ZNF763: variants seen among roughly 807,000 people sequenced by gnomAD.
ZNF763 encodes the protein zinc finger protein 763.
In ZNF763, 33 loss-of-function variants were observed where a neutral mutation model predicts 38.0. The ratio of observed to expected loss-of-function variants is 0.87; its 90% CI spans 0.66 to 1.16. The LOEUF (loss-of-function observed/expected upper bound fraction) is 1.16. ZNF763 is among the 50% of genes most tolerant of loss of function. The pLI is 0.00. For missense variants in ZNF763, 423 were observed against 469.1 expected, an observed-to-expected ratio of 0.90 and a Z score of 0.91; for synonymous variants, 155 against 160.1, an observed-to-expected ratio of 0.97 and a Z score of 0.24.
chr19:11,968,653 T>C (rs1221515556), intron 1 of ZNF763, among the ~76,000 whole-genome samples: 4 of 152,190 alleles, frequency 2.6e-5, no homozygotes, highest in Non-Finnish European at 2.9e-5. Context: ...ATATTCTAGC[T>C]GAAGACAACA....
rs1973582164 is a variant in ZNF763, at chr19:11,979,792, CTA to C, written c.*685_*686del. On this transcript the variant is annotated 3_prime_UTR_variant, in exon 4 of 4. Transcript: ENST00000358987. ...GTAGAACTCACACTGGAGAGAAACC[CTA>C]TGAGTGTAAGGAATGTGGGAAAGCC... 6.3e-7 allele frequency: 1 copy of C among 1,577,390 alleles called. No homozygotes were observed. The highest frequency in any genetic ancestry group is 8.7e-7 in the Non-Finnish European group (1 of 1,149,444).
chr19:11,974,786 A>G (rs1973449279), intron 1 of ZNF763, among the ~76,000 whole-genome samples: 1 of 152,072 alleles, frequency 6.6e-6, no homozygotes, highest in South Asian at 2.1e-4. Context: ...TATTTTTAGT[A>G]GAAATGGAGT....
chr19:11,970,765 G>C (rs7253214), intron 1 of ZNF763, among the ~76,000 whole-genome samples: 19,221 of 152,026 alleles, frequency 0.13, 2,255 homozygotes, highest in African/African-American at 0.31. Flanking sequence ...AACCCCATCT[G>C]TACTGAAAAT....
intron 1 of ZNF763, among the ~76,000 whole-genome samples, chr19:11,975,919 C>T (rs900515819): frequency 2.0e-5 from 3 of 151,628 alleles, no homozygotes; most frequent in African/African-American, 7.3e-5. Context: ...CCAGGTTTTT[C>T]TTAGGAATGT....
rs878884127 is a variant in ZNF763, at chr19:11,979,685, G to A, written c.*576G>A. 2.5e-6 allele frequency: 4 copies of A among 1,576,796 alleles called. No individual in the cohort carries two copies. Among genetic ancestry groups the A allele is most frequent in the Non-Finnish European group, 2.6e-6 (3 of 1,158,710 alleles). On this transcript the variant is annotated 3_prime_UTR_variant, in exon 4 of 4. Transcript: ENST00000358987. ...TGCCTCAATCCTTCAAATGCATGCTGGGACTCACCCTGAAGAGAAGCCCTA... is the reference window on the plus strand; with the variant it reads ...TGCCTCAATCCTTCAAATGCATGCTAGGACTCACCCTGAAGAGAAGCCCTA...
chr19:11,977,530 A>G (rs1445939756), intron 3 of ZNF763, 99 bp downstream of exon 3: 25 of 1,402,574 alleles, frequency 1.8e-5, no homozygotes, highest in Non-Finnish European at 2.5e-5. Context: ...CCAGTATCAA[A>G]TTCATCTCTT....
intron 1 of ZNF763, 23 bp from the exon 2 acceptor site, chr19:11,977,015 T>G (rs771204833): frequency 6.2e-6 from 10 of 1,613,766 alleles, no homozygotes; most frequent in Non-Finnish European, 8.5e-6. Flanking sequence ...CCCAGCCTCC[T>G]CTACACATGT....
Position 11,973,591 on chromosome 19 carries a change from G to T in ZNF763, c.4-3447G>T, listed in dbSNP as rs148998679. 5.2e-4 allele frequency among the ~76,000 whole-genome samples: 79 copies of T among 152,206 alleles called. No individual in the cohort carries two copies. The Middle Eastern group carries it at 0.01, about 20-fold the overall frequency. ...TGTTTCTTTATTCACCTATTGAAAGGCTCATCCTGAGCCTGGTGTGATGCC... is the reference window on the plus strand; with the variant it reads ...TGTTTCTTTATTCACCTATTGAAAGTCTCATCCTGAGCCTGGTGTGATGCC... On this transcript the variant is annotated intron_variant, in intron 1 of 3. Coordinates refer to ENST00000358987, the MANE Select transcript of ZNF763 (RefSeq NM_001367172.2).
Position 11,980,172 on chromosome 19 carries a change from G to A in ZNF763, c.*1063G>A, listed in dbSNP as rs1973589747. The A allele has an allele frequency of 1.6e-6, 1 of 618,138 alleles. No homozygotes were observed. The highest frequency in any genetic ancestry group is 1.7e-5 in the South Asian group (1 of 58,084). The allele number at this position is 618,138 out of a possible 1,614,324, so 38.3% of individuals were successfully genotyped here. On this transcript the variant is annotated 3_prime_UTR_variant, in exon 4 of 4. Transcript: ENST00000358987. Reference sequence around the variant, plus strand: ...AAGCAGGTGAATCACCTGAGGTCAGGAGTTCAAGACTGGCCTGATCAATAT... The same window carrying A: ...AAGCAGGTGAATCACCTGAGGTCAGAAGTTCAAGACTGGCCTGATCAATAT...
At chr19:11,965,354 T>C in intron 1 of ZNF763, 143 bp downstream of exon 1, 1 of 1,175,068 alleles carries the variant, frequency 8.5e-7, no homozygotes, top group Non-Finnish European at 1.2e-6. Context: ...CGGCCCTCGG[T>C]CCCCTCGGCC....
rs7250894 is a variant in ZNF763, at chr19:11,978,990, C to G, written c.1066C>G (p.Arg356Gly). Residue 356 changes from arginine to glycine, a missense_variant, in exon 4 of 4, where the codon CGT (arginine) becomes GGT (glycine). By Grantham distance (125) the Arg-to-Gly change is moderately radical. Transcript: ENST00000358987. ...AGCATTCACGTATCCCAGTTCCCTTCGTAGACATGAAAGGACCCACTCTGC... is the reference window on the plus strand; with the variant it reads ...AGCATTCACGTATCCCAGTTCCCTTGGTAGACATGAAAGGACCCACTCTGC... ...RKAFTYPSSLRRHERTHSAKK... is the reference protein window; with the variant it reads ...RKAFTYPSSLGRHERTHSAKK... 29,185 of 1,614,148 alleles carry G rather than the reference C, an allele frequency of 0.018. 315 individuals carry two copies. Among genetic ancestry groups the G allele is most frequent in the African/African-American group, 0.026 (1,980 of 75,030 alleles).
In ZNF763 at chr19:11,979,325, G is replaced by A; in HGVS notation, c.*216G>A. ...TTCAGATGTGCCCCACACCTTCGAA[G>A]GCATGGTAGGACTCACTGGAGAGAA... On this transcript the variant is annotated 3_prime_UTR_variant, in exon 4 of 4. Transcript: ENST00000358987. 1 of 1,590,078 alleles carries A rather than the reference G, an allele frequency of 6.3e-7. No homozygotes were observed. Among genetic ancestry groups the A allele is most frequent in the Non-Finnish European group, 8.6e-7 (1 of 1,167,700 alleles).
chr19:11,968,252 T>C (rs1400590171), intron 1 of ZNF763, among the ~76,000 whole-genome samples: 1 of 146,662 alleles, frequency 6.8e-6, no homozygotes, highest in African/African-American at 2.7e-5. Context: ...GGTACAATAA[T>C]TTAATTTTTT....
In ZNF763 at chr19:11,978,406, C is replaced by T. The variant is rs781000614; in HGVS notation, c.482C>T (p.Thr161Ile). 5 of 1,614,136 alleles carry T rather than the reference C, an allele frequency of 3.1e-6. No homozygotes were observed. The Admixed American group carries it at 6.7e-5, about 22-fold the overall frequency. Residue 161 changes from threonine to isoleucine, a missense_variant, in exon 4 of 4, where the codon ACA (threonine) becomes ATA (isoleucine). Transcript: ENST00000358987. The stretch of plus-strand genomic sequence containing the variant: ...TTCAGATATCACCCCTCCTTTAGAA[C>T]ACAAGAAAGGAATCACACCGGAGAG... The part of the protein sequence containing the change: ...KAFRYHPSFR[T>I]QERNHTGEKP...
rs1973563500 is a variant in ZNF763 at position 11,979,064 on chromosome 19, G to A, written c.1140G>A (p.Lys380=). 1 of 1,614,122 alleles carries A rather than the reference G, an allele frequency of 6.2e-7. No homozygotes were observed. The highest frequency in any genetic ancestry group is 1.3e-5 in the African/African-American group (1 of 75,036). ...CKQCGKALSY[K]FSNTPKNALW... ...AGTGTGGGAAAGCATTATCTTATAA[G>A]TTTTCAAACACACCTAAGAATGCGC... is the stretch of plus-strand genomic sequence containing the variant. The change falls in exon 4 of 4, where the codon AAG becomes AAA. Residue 380 remains lysine (K), a synonymous_variant. Coordinates refer to ENST00000358987, the MANE Select transcript of ZNF763 (RefSeq NM_001367172.2).
chr19:11,976,555 CAAAAAAA>C (rs1197877281), intron 1 of ZNF763, among the ~76,000 whole-genome samples: 123 of 73,826 alleles, frequency 1.7e-3, no homozygotes, highest in African/African-American at 5.2e-3. Flanking sequence ...GACTCTGTCT[CAAAAAAA>C]AAAAAAAAAA....
chr19:11,978,956 A>G lies in ZNF763; in HGVS notation c.1032A>G (p.Glu344=). The G allele has an allele frequency of 6.2e-7, 1 of 1,614,220 alleles. No individual in the cohort carries two copies. The highest frequency in any genetic ancestry group is 1.3e-5 in the African/African-American group (1 of 75,066). Residue 344 remains glutamate (E), a synonymous_variant, in exon 4 of 4, where the codon GAA becomes GAG. Transcript: ENST00000358987. ...GAGAGAAGCCTTATCAATGTAAGGA[A>G]TGTAGAAAAGCATTCACGTATCCCA... ...HTGEKPYQCK[E]CRKAFTYPSS...
rs1472403814 is a variant in ZNF763, at chr19:11,978,209, G to A, written c.285G>A (p.Gln95=). The part of the protein sequence containing the change: ...TQVPDDRLNF[Q]EKKASPEAKS... The stretch of plus-strand genomic sequence containing the variant: ...TTCCAGATGACAGGCTGAACTTCCA[G>A]GAGAAGAAAGCTTCTCCTGAAGCAA... The change falls in exon 4 of 4, where the codon CAG becomes CAA. Residue 95 remains glutamine (Q), a synonymous_variant. Transcript: ENST00000358987. 1 of 1,613,632 alleles carries A rather than the reference G, an allele frequency of 6.2e-7. No homozygotes were observed. The highest frequency in any genetic ancestry group is 1.3e-5 in the African/African-American group (1 of 74,906).
chr19:11,980,306 G>T lies in ZNF763; in HGVS notation c.*1197G>T, dbSNP rs1047276994. On this transcript the variant is annotated 3_prime_UTR_variant, in exon 4 of 4. Coordinates refer to ENST00000358987, the MANE Select transcript of ZNF763 (RefSeq NM_001367172.2). ...TGGCACAGGAGAATCGCTTGAATCT[G>T]GGGGGCAGAGGTTGCAGTGAGCCAA... The T allele has an allele frequency of 7.8e-6, 2 of 256,816 alleles. No homozygotes were observed. Among genetic ancestry groups the T allele is most frequent in the Admixed American group, 5.1e-5 (1 of 19,486 alleles). 15.9% of individuals were successfully genotyped at this position (256,816 alleles called of 1,614,324 possible).
Sources: gnomAD v4.1 joint callset for allele counts (sites outside exome capture counted in the v4.1 genomes callset) on GRCh38, gnomAD v4.1.1 for gene constraint, MANE v1.5 for transcripts, NCBI Gene and HGNC (gene_info 2026-07-23, HGNC 2026-07-21) for gene names.